Variants in PHC3 observed in about 807,000 individuals in gnomAD.
PHC3 encodes the protein polyhomeotic-like protein 3.
PHC3 carries 13 observed loss-of-function variants against 107.4 expected under a neutral mutation model. The ratio of observed to expected loss-of-function variants is 0.12; its 90% CI spans 0.08 to 0.19. The LOEUF is 0.19. Among genes scored for constraint, PHC3 ranks in the 10% least tolerant of loss-of-function variants. The probability of loss-of-function intolerance (pLI) is 1.00; values close to 1 mark genes in which losing one functional copy is unlikely to be tolerated. For missense variants in PHC3, 992 were observed against 1,210.9 expected, an observed-to-expected ratio of 0.82 and a Z score of 2.68; for synonymous variants, 456 against 427.4, an observed-to-expected ratio of 1.07 and a Z score of -0.83.
intron 11 of PHC3, among the ~76,000 whole-genome samples, chr3:170,108,053 A>G (rs1716906486): frequency 6.6e-6 from 1 of 152,210 alleles, no homozygotes. Flanking sequence ...TATGACATGT[A>G]ATAGCGCTCA....
chr3:170,126,528 A>ATATATATTTTTTT (rs370421296), intron 8 of PHC3, among the ~76,000 whole-genome samples: 1 of 90,636 alleles, frequency 1.1e-5, no homozygotes, highest in African/African-American at 4.5e-5. Flanking sequence ...ATATATATAT[A>ATATATATTTTTTT]TTTTTTTTTT....
intron 4 of PHC3, among the ~76,000 whole-genome samples, chr3:170,164,358 A>G (rs1728402710): frequency 6.6e-6 from 1 of 152,222 alleles, no homozygotes; most frequent in Non-Finnish European, 1.5e-5. Flanking sequence ...TTTAGACAAT[A>G]TAAAAATTAA....
chr3:170,101,745 C>A (rs1370153334), intron 14 of PHC3, among the ~76,000 whole-genome samples: 1 of 151,654 alleles, frequency 6.6e-6, no homozygotes, highest in Non-Finnish European at 1.5e-5. Flanking sequence ...AGTAGCCAGC[C>A]CCTTGGAGAA....
At position 170,122,670 on chromosome 3, in the gene PHC3, G is replaced by C. The variant is rs761544685; in HGVS notation, c.1863C>G (p.Thr621=). 6.2e-7 allele frequency: 1 copy of C among 1,613,808 alleles called. No individual in the cohort carries two copies. Among genetic ancestry groups the C allele is most frequent in the East Asian group, 2.2e-5 (1 of 44,884 alleles). The change falls in exon 9 of 15, where the codon ACC becomes ACG. Residue 621 remains threonine (T), a synonymous_variant. Coordinates refer to ENST00000495893, the MANE Select transcript of PHC3 (RefSeq NM_024947.4). ...ESDECVRMDR[T]PPPPTLSPAA... is the part of the protein sequence containing the mutation. Reference sequence around the variant, plus strand: ...CTGGAGACAAAGTGGGTGGTGGTGGGGTTCTATCCATCCGGACACATTCAT... The same window carrying C: ...CTGGAGACAAAGTGGGTGGTGGTGGCGTTCTATCCATCCGGACACATTCAT...
intron 3 of PHC3, among the ~76,000 whole-genome samples, 184 bp downstream of exon 3, chr3:170,172,373 A>AT (rs1729733217): frequency 1.5e-5 from 2 of 135,758 alleles, no homozygotes; most frequent in Admixed American, 1.6e-4. Flanking sequence ...ACAGAGTAAC[A>AT]TAAAAAAACA....
At chr3:170,149,472 A>C (rs59610400) in intron 4 of PHC3, among the ~76,000 whole-genome samples, 45,719 of 151,430 alleles carry the variant, frequency 0.3, 6,984 homozygotes, top group East Asian at 0.49. Context: ...TTTTTTTTTA[A>C]GATGGGAGTT....
At chr3:170,109,069 T>C (rs1717129455) in intron 11 of PHC3, among the ~76,000 whole-genome samples, 1 of 152,204 alleles carries the variant, frequency 6.6e-6, no homozygotes, top group Admixed American at 6.5e-5. Context: ...GTCAGATTTT[T>C]AACAAATTTG....
intron 14 of PHC3, chr3:170,102,277 TG>T (rs929252295): frequency 3.0e-6 from 3 of 985,252 alleles, no homozygotes; most frequent in African/African-American, 3.5e-5. Flanking sequence ...TTTATCGACT[TG>T]GGGGGTATGA....
chr3:170,110,646 A>AACT (rs1717466138), intron 11 of PHC3, among the ~76,000 whole-genome samples: 1 of 152,162 alleles, frequency 6.6e-6, no homozygotes, highest in Non-Finnish European at 1.5e-5. Context: ...CCTAGTTCCA[A>AACT]ACTACATTAA....
chr3:170,164,412 A>T (rs1204171516), intron 4 of PHC3, among the ~76,000 whole-genome samples: 1 of 152,204 alleles, frequency 6.6e-6, no homozygotes, highest in Admixed American at 6.5e-5. Context: ...ATGACCACTA[A>T]TAACAGTTTG....
At chr3:170,157,149 A>G (rs571276437) in intron 4 of PHC3, among the ~76,000 whole-genome samples, 1 of 152,372 alleles carries the variant, frequency 6.6e-6, no homozygotes, top group East Asian at 1.9e-4. Flanking sequence ...CCATTCACAC[A>G]GTGCAACCCC....
intron 11 of PHC3, among the ~76,000 whole-genome samples, chr3:170,107,458 G>A (rs946292966): frequency 2.6e-5 from 4 of 152,070 alleles, no homozygotes; most frequent in East Asian, 1.9e-4. Flanking sequence ...TAACTCTCTC[G>A]AAGATCTGCA....
At chr3:170,104,471 C>A (rs1025100410) in intron 12 of PHC3, among the ~76,000 whole-genome samples, 24 of 152,166 alleles carry the variant, frequency 1.6e-4, no homozygotes, top group African/African-American at 5.6e-4. Context: ...GGGGGTCTCA[C>A]TATGTTGCCC....
chr3:170,098,822 TACC>T (rs1715007353), intron 14 of PHC3, among the ~76,000 whole-genome samples: 1 of 152,172 alleles, frequency 6.6e-6, no homozygotes, highest in Non-Finnish European at 1.5e-5. Flanking sequence ...GACATTTCAA[TACC>T]CTCTACGAAA....
intron 7 of PHC3, among the ~76,000 whole-genome samples, chr3:170,132,374 CCTAA>C (rs753372142): frequency 6.6e-6 from 1 of 152,170 alleles, no homozygotes; most frequent in Non-Finnish European, 1.5e-5. Context: ...AACCTATGAT[CCTAA>C]CTGAGTCTAG....
At chr3:170,133,800 G>C (rs1210693793) in intron 7 of PHC3, among the ~76,000 whole-genome samples, 1 of 152,136 alleles carries the variant, frequency 6.6e-6, no homozygotes, top group Non-Finnish European at 1.5e-5. Flanking sequence ...TAATGAAAGA[G>C]GGGAGAATAA....
intron 7 of PHC3, among the ~76,000 whole-genome samples, chr3:170,131,740 G>A (rs189920275): frequency 5.9e-5 from 9 of 152,250 alleles, no homozygotes; most frequent in African/African-American, 2.2e-4. Context: ...AGGAGGCTGA[G>A]GTGGGAGAAT....
intron 7 of PHC3, among the ~76,000 whole-genome samples, chr3:170,132,570 C>T (rs1202799292): frequency 6.6e-6 from 1 of 152,182 alleles, no homozygotes; most frequent in Non-Finnish European, 1.5e-5. Context: ...AGCTTCTGCT[C>T]CCTCCACCCA....
At chr3:170,166,986 C>T (rs551294029) in intron 4 of PHC3, among the ~76,000 whole-genome samples, 1 of 152,162 alleles carries the variant, frequency 6.6e-6, no homozygotes, top group South Asian at 2.1e-4. Context: ...TTAACACACA[C>T]TGCCAAATAA....
Sources: allele counts gnomAD v4.1 joint callset (sites outside exome capture counted in the v4.1 genomes callset), GRCh38; gene constraint gnomAD v4.1.1; transcripts MANE v1.5; gene names NCBI Gene and HGNC (gene_info 2026-07-23, HGNC 2026-07-21).